Variants in SCOC observed in about 807,000 individuals in gnomAD.
SCOC encodes short coiled-coil protein, also known as short coiled coil protein.
A neutral mutation model predicts 9.9 loss-of-function variants in SCOC; 7 were observed. That is an observed-to-expected ratio of 0.71 (90% CI 0.40 to 1.33). The LOEUF (loss-of-function observed/expected upper bound fraction) is 1.33. Ranked by LOEUF, SCOC falls within the 40% of genes most tolerant of loss-of-function variation. The probability of loss-of-function intolerance (pLI) is 0.01; values close to 1 mark genes in which losing one functional copy is unlikely to be tolerated. For synonymous variants in SCOC, 19 were observed against 28.2 expected (o/e 0.67, Z 1.03); for missense variants, 66 against 89.7 (o/e 0.74, Z 1.07).
upstream of SCOC, among the ~76,000 whole-genome samples, chr4:140,372,837 GTGTCAAGTAC>G (rs1470310814): frequency 6.6e-6 from 1 of 152,192 alleles, no homozygotes; most frequent in Non-Finnish European, 1.5e-5. Context: ...ATGCCGCTTT[GTGTCAAGTAC>G]TAGATTACGA....
chr4:140,329,447 G>T lies in SCOC; in HGVS notation c.-18-14174G>T, dbSNP rs536892247. ...AATGCAACAAAAACAAAAACAAATA[G>T]ATGGAACTTAATTAAACTAAAAAGC... On this transcript the variant is annotated intron_variant, in intron 1 of 4. Transcript: ENST00000394205. Among the ~76,000 whole-genome samples, 32 of 152,240 alleles carry T rather than the reference G, an allele frequency of 2.1e-4. 1 individual carries two copies. The South Asian group carries it at 6.4e-3, about 31-fold the overall frequency.
At chr4:140,370,061 G>A (rs1263955222), upstream of SCOC, among the ~76,000 whole-genome samples, 1 of 151,556 alleles carries the variant, frequency 6.6e-6, no homozygotes, top group Non-Finnish European at 1.5e-5. Context: ...GCCTTTTTAT[G>A]TTTACATTTT....
At chr4:140,340,783 C>CTTTTTTTTTTTTTTTTTT (rs36136647), upstream of SCOC, among the ~76,000 whole-genome samples, 5 of 40,448 alleles carry the variant, frequency 1.2e-4, 1 homozygote, top group African/African-American at 1.9e-4. Context: ...TGCTGCCTAA[C>CTTTTTTTTTTTTTTTTTT]TTTTTTTTTT....
At chr4:140,265,279 C>T (rs557583677) in intron 1 of SCOC, among the ~76,000 whole-genome samples, 1 of 152,288 alleles carries the variant, frequency 6.6e-6, no homozygotes, top group East Asian at 1.9e-4. Flanking sequence ...TCAAGGAAAT[C>T]AGAACCCAAA....
In SCOC at chr4:140,343,709, G is replaced by C. The variant is rs762087499; in HGVS notation, c.70+1G>C. 6.2e-5 allele frequency: 99 copies of C among 1,609,522 alleles called. 2 individuals are homozygous for C. In the South Asian group the frequency reaches 1.1e-3, roughly 18 times the overall value. The stretch of plus-strand genomic sequence containing the variant: ...AACATTTCTCTTGCAGATGACATAG[G>C]TAAGGAAAAAATGGATAACTTCTCA... On this transcript the variant is annotated splice_donor_variant, in intron 2 of 4. Coordinates refer to the SCOC transcript ENST00000338517. LOFTEE classifies it high-confidence loss of function.
At chr4:140,352,593 T>C (rs1165270079) in intron 2 of SCOC, among the ~76,000 whole-genome samples, 3 of 152,202 alleles carry the variant, frequency 2.0e-5, no homozygotes, top group Non-Finnish European at 4.4e-5. Flanking sequence ...TCAGAAGAAA[T>C]CCACTTAACT....
At chr4:140,376,233 C>G (rs1225609210) in intron 1 of SCOC, among the ~76,000 whole-genome samples, 3 of 152,128 alleles carry the variant, frequency 2.0e-5, no homozygotes, top group East Asian at 3.9e-4. Flanking sequence ...CTCAGCAAGT[C>G]TTTTGATCCC....
Position 140,385,045 on chromosome 4 carries a change from A to C in SCOC, c.*3941A>C, listed in dbSNP as rs908752447. 4 of 152,182 alleles carry C rather than the reference A, an allele frequency of 2.6e-5. No homozygotes were observed. The highest frequency in any genetic ancestry group is 9.7e-5 in the African/African-American group (4 of 41,442). 9.4% of individuals were successfully genotyped at this position (152,182 alleles called of 1,614,324 possible). Reference sequence around the variant, plus strand: ...TGAGAAATAAATTTGTTTATAAGCCACCCAGTCTATATTTTGTTATAGCAT... The same window carrying C: ...TGAGAAATAAATTTGTTTATAAGCCCCCCAGTCTATATTTTGTTATAGCAT... On this transcript the variant is annotated 3_prime_UTR_variant, in exon 4 of 4. Coordinates refer to ENST00000608372, the MANE Select transcript of SCOC (RefSeq NM_001153484.2).
intron 2 of SCOC, among the ~76,000 whole-genome samples, chr4:140,353,993 T>A (rs1243825625): frequency 1.3e-5 from 2 of 152,276 alleles, no homozygotes; most frequent in African/African-American, 4.8e-5. Flanking sequence ...TTTTCATTGC[T>A]CGTAGTGTGA....
chr4:140,275,641 C>T (rs1463048761), intron 1 of SCOC, among the ~76,000 whole-genome samples: 1 of 152,100 alleles, frequency 6.6e-6, no homozygotes, highest in Non-Finnish European at 1.5e-5. Flanking sequence ...AGGGATGGAG[C>T]TCATGAGTTT....
intron 1 of SCOC, among the ~76,000 whole-genome samples, chr4:140,294,594 A>T (rs1272964232): frequency 6.6e-6 from 1 of 152,162 alleles, no homozygotes; most frequent in East Asian, 1.9e-4. Context: ...ACAGCAGAAA[A>T]TTTTAGTGAC....
At chr4:140,325,510 A>G (rs1439224824) in intron 1 of SCOC, among the ~76,000 whole-genome samples, 1 of 152,130 alleles carries the variant, frequency 6.6e-6, no homozygotes, top group Non-Finnish European at 1.5e-5. Flanking sequence ...AAACAACCCA[A>G]TCTTACAAAC....
chr4:140,337,525 C>G (rs1732990766), intron 1 of SCOC, among the ~76,000 whole-genome samples: 1 of 152,068 alleles, frequency 6.6e-6, no homozygotes, highest in Non-Finnish European at 1.5e-5. Context: ...TAAACCCAAA[C>G]ATCTATGGCC....
At chr4:140,286,710 T>C (rs1436011814) in intron 1 of SCOC, among the ~76,000 whole-genome samples, 1 of 152,206 alleles carries the variant, frequency 6.6e-6, no homozygotes, top group East Asian at 1.9e-4. Flanking sequence ...GTTGGTTAGC[T>C]TGTGGCCCAA....
chr4:140,374,067 C>T lies in SCOC; in HGVS notation c.-51+350C>T, dbSNP rs556827472. ...CTCTGGAATTGGACTGCGGGAGGGG[C>T]GTTTGGGTGGAATGGGACCTGGCAC... On this transcript the variant is annotated intron_variant, in intron 1 of 3. Transcript: ENST00000608372. 32 of 498,848 alleles carry T rather than the reference C, an allele frequency of 6.4e-5. 1 individual carries two copies. The East Asian group carries it at 1.7e-3, about 27-fold the overall frequency. 30.9% of individuals were successfully genotyped at this position (498,848 alleles called of 1,614,324 possible). A position where few individuals can be genotyped will look rare whatever the true frequency, so the allele number is the denominator to read the frequency against.
chr4:140,374,016 G>T (rs1031689482), intron 1 of SCOC: 3 of 575,850 alleles, frequency 5.2e-6, no homozygotes, highest in African/African-American at 1.8e-5. Flanking sequence ...CAGCTCCTGG[G>T]TCGGGAGCCG....
chr4:140,348,675 C>T (rs916812260), intron 2 of SCOC, among the ~76,000 whole-genome samples: 4 of 152,042 alleles, frequency 2.6e-5, no homozygotes, highest in South Asian at 2.1e-4. Context: ...GCAATGAATA[C>T]GAGCATGCAG....
intron 1 of SCOC, among the ~76,000 whole-genome samples, chr4:140,294,098 A>T (rs1301583495): frequency 2.0e-5 from 3 of 152,226 alleles, no homozygotes; most frequent in Non-Finnish European, 4.4e-5. Flanking sequence ...CAACACTGGC[A>T]GGTGTGGTAA....
exon 2 of SCOC, chr4:140,343,692 T>C: frequency 6.2e-7 from 1 of 1,613,206 alleles, no homozygotes; most frequent in Non-Finnish European, 8.5e-7. Flanking sequence ...CCAACATTTC[T>C]CTTGCAGATG....
Sources: allele counts gnomAD v4.1 joint callset (sites outside exome capture counted in the v4.1 genomes callset), GRCh38; gene constraint gnomAD v4.1.1; transcripts MANE v1.5; gene names NCBI Gene and HGNC (gene_info 2026-07-23, HGNC 2026-07-21).